EFCAB11: variants seen among roughly 807,000 people sequenced by gnomAD.
EFCAB11 encodes EF-hand calcium binding domain 11.
EFCAB11 carries 14 observed loss-of-function variants against 23.0 expected under a neutral mutation model. That is an observed-to-expected ratio of 0.61 (90% CI 0.40 to 0.95). The LOEUF (loss-of-function observed/expected upper bound fraction) is 0.95, where lower values mean the gene tolerates loss of function less well. Ranked by LOEUF, EFCAB11 falls within the 40% of genes least tolerant of loss-of-function variation. The pLI is 0.00. For synonymous variants in EFCAB11, 65 were observed against 66.6 expected (o/e 0.98, Z 0.11); for missense variants, 198 against 195.8 (o/e 1.01, Z -0.07).
At chr14:89,815,812 T>G (rs1224283423) in intron 5 of EFCAB11, among the ~76,000 whole-genome samples, 1 of 152,166 alleles carries the variant, frequency 6.6e-6, no homozygotes, top group Non-Finnish European at 1.5e-5. Context: ...AGAAAGTGAG[T>G]ACTTCTGGAA....
chr14:89,924,728 T>C (rs11159940), intron 5 of EFCAB11: 4 of 1,531,704 alleles, frequency 2.6e-6, no homozygotes, highest in South Asian at 2.4e-5. Context: ...GAAAATCACA[T>C]GTAGACAGAG....
chr14:89,925,738 C>T (rs904767505), intron 5 of EFCAB11, among the ~76,000 whole-genome samples: 35 of 151,560 alleles, frequency 2.3e-4, no homozygotes, highest in East Asian at 1.9e-4. Flanking sequence ...CTCCGCCTCC[C>T]GGGTTCAAGC....
intron 5 of EFCAB11, among the ~76,000 whole-genome samples, chr14:89,869,195 T>C (rs1449088264): frequency 2.6e-5 from 4 of 152,192 alleles, no homozygotes; most frequent in Non-Finnish European, 5.9e-5. Flanking sequence ...AGTGAGACCC[T>C]GTCTCAAAAA....
intron 5 of EFCAB11, among the ~76,000 whole-genome samples, chr14:89,887,587 T>A (rs1023446722): frequency 6.6e-6 from 1 of 152,192 alleles, no homozygotes; most frequent in Non-Finnish European, 1.5e-5. Context: ...AGGTATTAAA[T>A]TGAAATAAAG....
intron 5 of EFCAB11, among the ~76,000 whole-genome samples, chr14:89,825,096 T>C (rs1886645003): frequency 8.5e-6 from 1 of 117,658 alleles, no homozygotes; most frequent in Admixed American, 1.0e-4. Context: ...AGATAGATGC[T>C]GGGACCAAAA....
chr14:89,846,386 A>C (rs1265034219), intron 5 of EFCAB11, among the ~76,000 whole-genome samples: 1 of 152,144 alleles, frequency 6.6e-6, no homozygotes, highest in Non-Finnish European at 1.5e-5. Context: ...ATGGGGAAGG[A>C]CCTCTTTAGA....
intron 5 of EFCAB11, chr14:89,892,117 C>T: frequency 6.4e-7 from 1 of 1,551,862 alleles, no homozygotes; most frequent in Non-Finnish European, 8.7e-7. Flanking sequence ...AAGACTGGCA[C>T]CAGGAGGTCA....
chr14:89,798,076 A>G (rs544783607), intron 5 of EFCAB11, among the ~76,000 whole-genome samples: 2 of 152,368 alleles, frequency 1.3e-5, no homozygotes, highest in African/African-American at 4.8e-5. Flanking sequence ...TCAAATTCGT[A>G]TCAACCATGA....
At chr14:89,953,467 T>C (rs1036616010) in intron 2 of EFCAB11, among the ~76,000 whole-genome samples, 1 of 152,230 alleles carries the variant, frequency 6.6e-6, no homozygotes, top group East Asian at 1.9e-4. Flanking sequence ...TGGGACCCTC[T>C]GGTAGGCGGC....
intron 5 of EFCAB11, among the ~76,000 whole-genome samples, chr14:89,893,904 T>C (rs905082040): frequency 3.9e-5 from 6 of 152,146 alleles, no homozygotes; most frequent in South Asian, 2.1e-4. Flanking sequence ...TTATTCATCA[T>C]ATTAATGAAT....
At chr14:89,830,987 T>C (rs1461143054) in intron 5 of EFCAB11, 4 of 152,284 alleles carry the variant, frequency 2.6e-5, no homozygotes, top group African/African-American at 9.7e-5. Flanking sequence ...CTGATGTACA[T>C]TTTACAAGGA....
chr14:89,952,782 C>T (rs535613654), intron 2 of EFCAB11, among the ~76,000 whole-genome samples: 1 of 152,254 alleles, frequency 6.6e-6, no homozygotes, highest in East Asian at 1.9e-4. Context: ...AACAGCTGGG[C>T]CCTAATTAAC....
chr14:89,808,242 C>T (rs116007618), intron 5 of EFCAB11, among the ~76,000 whole-genome samples: 198 of 152,178 alleles, frequency 1.3e-3, no homozygotes, highest in African/African-American at 4.4e-3. Context: ...TAATTAAAAG[C>T]GTAATATTTC....
At chr14:89,949,850 G>A (rs1178994569) in intron 3 of EFCAB11, among the ~76,000 whole-genome samples, 3 of 152,130 alleles carry the variant, frequency 2.0e-5, no homozygotes. Flanking sequence ...CGTCTTACAT[G>A]GATGGCAGCA....
chr14:89,815,656 C>T (rs962774538), intron 5 of EFCAB11, among the ~76,000 whole-genome samples: 4 of 152,082 alleles, frequency 2.6e-5, no homozygotes, highest in African/African-American at 9.7e-5. Context: ...GAACTCCTGA[C>T]CTCATAATCC....
Position 89,906,576 on chromosome 14 carries a change from G to A in EFCAB11, c.410+24965C>T, listed in dbSNP as rs536638009. Among the ~76,000 whole-genome samples, 228 of 152,268 alleles carry A rather than the reference G, an allele frequency of 1.5e-3. 4 individuals are homozygous for A. Among genetic ancestry groups the A allele is most frequent in the Non-Finnish European group, 7.9e-4 (54 of 68,004 alleles). Reference sequence around the variant, plus strand: ...ATAACCTAGTAGGTTTTAAAATGTGGTTTTTTACATTGAAAAATTGAAGAC... The same window carrying A: ...ATAACCTAGTAGGTTTTAAAATGTGATTTTTTACATTGAAAAATTGAAGAC... On this transcript the variant is annotated intron_variant, in intron 5 of 5. Transcript: ENST00000316738.
intron 4 of EFCAB11, 123 bp downstream of exon 4, chr14:89,932,403 C>G: frequency 1.4e-6 from 1 of 722,456 alleles, no homozygotes; most frequent in East Asian, 2.7e-5. Flanking sequence ...AAGGTAACAG[C>G]TAATGAATAC....
At chr14:89,941,846 C>A (rs191271919) in intron 3 of EFCAB11, among the ~76,000 whole-genome samples, 1 of 152,042 alleles carries the variant, frequency 6.6e-6, no homozygotes, top group Admixed American at 6.5e-5. Flanking sequence ...CAAAAATAAT[C>A]ATCTAAAATG....
intron 3 of EFCAB11, among the ~76,000 whole-genome samples, chr14:89,935,790 C>G (rs1687569381): frequency 6.6e-6 from 1 of 152,118 alleles, no homozygotes; most frequent in Admixed American, 6.5e-5. Flanking sequence ...AGGCAGATCA[C>G]CTGAGGTCAG....
Sources: allele counts gnomAD v4.1 joint callset (sites outside exome capture counted in the v4.1 genomes callset), GRCh38; gene constraint gnomAD v4.1.1; transcripts MANE v1.5; gene names NCBI Gene and HGNC (gene_info 2026-07-23, HGNC 2026-07-21).